Variants in CTNNA2 observed in about 807,000 individuals in gnomAD.
CTNNA2 encodes catenin alpha 2.
CTNNA2 carries 42 observed loss-of-function variants against 101.0 expected under a neutral mutation model. That is an observed-to-expected ratio of 0.42 (90% CI 0.32 to 0.54). CTNNA2 has a LOEUF of 0.54. Ranked by LOEUF, CTNNA2 falls within the 20% of genes least tolerant of loss-of-function variation. CTNNA2 has a pLI of 0.14. For missense variants in CTNNA2, 871 were observed against 1,223.1 expected (o/e 0.71, Z 4.29); for synonymous variants, 450 against 456.4 (o/e 0.99, Z 0.18).
chr2:79,691,134 C>T (rs1471392965), intron 2 of CTNNA2, among the ~76,000 whole-genome samples: 1 of 151,824 alleles, frequency 6.6e-6, no homozygotes, highest in Non-Finnish European at 1.5e-5. Flanking sequence ...ATAATAACTA[C>T]TTTAAGGTGA....
intron 4 of CTNNA2, among the ~76,000 whole-genome samples, chr2:79,397,293 A>G (rs1678243578): frequency 1.3e-5 from 2 of 152,136 alleles, no homozygotes; most frequent in African/African-American, 4.8e-5. Flanking sequence ...TCCCTACTAT[A>G]CTGTCAAATA....
At chr2:79,777,505 T>A (rs1032406588) in intron 3 of CTNNA2, among the ~76,000 whole-genome samples, 10 of 152,274 alleles carry the variant, frequency 6.6e-5, no homozygotes, top group African/African-American at 2.4e-4. Flanking sequence ...CACAGGTTGA[T>A]AATTACTAGA....
chr2:80,565,346 A>G (rs1296190153), intron 12 of CTNNA2, among the ~76,000 whole-genome samples: 1 of 152,136 alleles, frequency 6.6e-6, no homozygotes, highest in Non-Finnish European at 1.5e-5. Context: ...AGGGCAGATT[A>G]TTTCACAGGA....
intron 7 of CTNNA2, among the ~76,000 whole-genome samples, chr2:80,092,860 A>G (rs1699871957): frequency 6.6e-6 from 1 of 152,126 alleles, no homozygotes; most frequent in Admixed American, 6.5e-5. Context: ...ACAAGCATTA[A>G]GGGTTAGATA....
At chr2:79,327,697 C>A (rs986106912) in intron 3 of CTNNA2, among the ~76,000 whole-genome samples, 6 of 152,156 alleles carry the variant, frequency 3.9e-5, no homozygotes, top group African/African-American at 1.4e-4. Context: ...GAAAGGACTC[C>A]TGCACCTCAT....
intron 2 of CTNNA2, among the ~76,000 whole-genome samples, chr2:79,696,639 C>T (rs915652273): frequency 6.6e-6 from 1 of 152,022 alleles, no homozygotes; most frequent in Non-Finnish European, 1.5e-5. Context: ...TGCCCATCTC[C>T]TTCTTCCGCA....
At chr2:79,434,467 A>C (rs767140831) in intron 4 of CTNNA2, among the ~76,000 whole-genome samples, 6 of 152,202 alleles carry the variant, frequency 3.9e-5, no homozygotes, top group Non-Finnish European at 7.3e-5. Context: ...GCTGGAGTTC[A>C]AAGGATGAAG....
chr2:80,350,964 G>T (rs1488560277), intron 7 of CTNNA2, among the ~76,000 whole-genome samples: 1 of 152,100 alleles, frequency 6.6e-6, no homozygotes, highest in Admixed American at 6.6e-5. Flanking sequence ...CATAATGCAG[G>T]GTTTAAGCTA....
At chr2:79,688,978 G>A (rs577139581) in intron 2 of CTNNA2, among the ~76,000 whole-genome samples, 1 of 151,948 alleles carries the variant, frequency 6.6e-6, no homozygotes, top group South Asian at 2.1e-4. Context: ...ATGGCTGGGG[G>A]TAAGAAGACT....
intron 9 of CTNNA2, among the ~76,000 whole-genome samples, chr2:80,514,240 G>A (rs1368126665): frequency 1.3e-5 from 2 of 152,146 alleles, no homozygotes; most frequent in African/African-American, 4.8e-5. Flanking sequence ...GAGTGAGCAA[G>A]TACAGGATCC....
chr2:79,582,363 A>G (rs1377298185), intron 1 of CTNNA2, among the ~76,000 whole-genome samples: 1 of 152,198 alleles, frequency 6.6e-6, no homozygotes, highest in African/African-American at 2.4e-5. Context: ...GATCCTTTTT[A>G]GTAATTACCT....
intron 4 of CTNNA2, among the ~76,000 whole-genome samples, chr2:79,862,251 TAGTC>T (rs1324020940): frequency 6.6e-6 from 1 of 152,118 alleles, no homozygotes; most frequent in Non-Finnish European, 1.5e-5. Flanking sequence ...TAGCAACCCT[TAGTC>T]AGCTTCTCCA....
intron 9 of CTNNA2, among the ~76,000 whole-genome samples, chr2:80,483,998 A>G (rs1233604571): frequency 6.6e-6 from 1 of 152,142 alleles, no homozygotes; most frequent in Non-Finnish European, 1.5e-5. Flanking sequence ...AAAAGAATAC[A>G]AATTATTATG....
At chr2:80,556,869 A>G (rs1250453619) in intron 12 of CTNNA2, among the ~76,000 whole-genome samples, 1 of 152,224 alleles carries the variant, frequency 6.6e-6, no homozygotes, top group African/African-American at 2.4e-5. Context: ...GGGGACCTTC[A>G]TAGGTTTGCC....
rs1482166280 is a variant in CTNNA2, at chr2:80,303,642, C to T, written c.1057-89569C>T. On this transcript the variant is annotated intron_variant, in intron 7 of 18. Coordinates refer to ENST00000402739, the MANE Select transcript of CTNNA2 (RefSeq NM_001282597.3). The surrounding 1 kb of genome is among the most constrained non-coding windows in gnomAD (Gnocchi z 7.7). Reference sequence around the variant, plus strand: ...AGCAGGCCGGACAGGTTGTGGGGCGCCTCGGTGAGGTTGAGCGCCTCGCAG... The same window carrying T: ...AGCAGGCCGGACAGGTTGTGGGGCGTCTCGGTGAGGTTGAGCGCCTCGCAG... 1.2e-6 allele frequency: 2 copies of T among 1,613,428 alleles called. No individual in the cohort carries two copies. The highest frequency in any genetic ancestry group is 1.7e-6 in the Non-Finnish European group (2 of 1,179,620).
At chr2:80,216,194 G>A (rs539524879) in intron 7 of CTNNA2, among the ~76,000 whole-genome samples, 4 of 152,206 alleles carry the variant, frequency 2.6e-5, no homozygotes, top group African/African-American at 4.8e-5. Context: ...GGAATTCCCC[G>A]ACCCCTTGTG....
intron 9 of CTNNA2, among the ~76,000 whole-genome samples, chr2:80,477,865 A>AT (rs1324090978): frequency 6.6e-6 from 1 of 151,890 alleles, no homozygotes; most frequent in Non-Finnish European, 1.5e-5. Flanking sequence ...ACATGCAGGT[A>AT]TTTTTTGATA....
At chr2:79,717,050 A>G (rs891909070) in intron 2 of CTNNA2, among the ~76,000 whole-genome samples, 2 of 152,224 alleles carry the variant, frequency 1.3e-5, no homozygotes, top group African/African-American at 2.4e-5. Flanking sequence ...CATAGCAAAT[A>G]TAAATATGAA....
intron 3 of CTNNA2, among the ~76,000 whole-genome samples, chr2:79,790,957 G>A (rs977991298): frequency 6.6e-6 from 1 of 152,260 alleles, no homozygotes; most frequent in East Asian, 1.9e-4. Context: ...ACATATATTA[G>A]CTAGAGCTGA....
Sources: gnomAD v4.1 joint callset for allele counts (sites outside exome capture counted in the v4.1 genomes callset) on GRCh38, gnomAD v4.1.1 for gene constraint, Gnocchi (gnomAD v3.1) non-coding constraint, MANE v1.5 for transcripts, NCBI Gene and HGNC (gene_info 2026-07-23, HGNC 2026-07-21) for gene names.